The following BTBD10 variants were observed in gnomAD, a reference collection of about 807,000 sequenced individuals.
The protein encoded by BTBD10 is BTB/POZ domain-containing protein 10.
Under a neutral mutation model 53.2 loss-of-function variants are expected in BTBD10, and 21 were observed. The observed-to-expected ratio is 0.39, with a 90% CI of 0.28 to 0.57. BTBD10 has a LOEUF of 0.57. Among genes scored for constraint, BTBD10 ranks in the 20% least tolerant of loss-of-function variants. BTBD10 has a pLI of 0.53. For missense variants in BTBD10, 360 were observed against 594.7 expected, an observed-to-expected ratio of 0.61 and a Z score of 4.10; for synonymous variants, 149 against 192.7, an observed-to-expected ratio of 0.77 and a Z score of 1.88.
chr11:13,421,035 T>A (rs982938970), intron 3 of BTBD10, among the ~76,000 whole-genome samples: 2 of 152,190 alleles, frequency 1.3e-5, no homozygotes, highest in Non-Finnish European at 2.9e-5. Context: ...ATTTGTCCCT[T>A]CTGCAGGGGA....
At chr11:13,426,703 T>C (rs1950345658) in intron 2 of BTBD10, among the ~76,000 whole-genome samples, 1 of 150,152 alleles carries the variant, frequency 6.7e-6, no homozygotes, top group African/African-American at 2.5e-5. Context: ...ACCACTAATA[T>C]AAGAAAACAA....
chr11:13,424,784 C>T (rs913289285), intron 2 of BTBD10, among the ~76,000 whole-genome samples: 3 of 152,084 alleles, frequency 2.0e-5, no homozygotes, highest in Non-Finnish European at 2.9e-5. Flanking sequence ...CTGCAAGACA[C>T]GGCACATCAG....
intron 7 of BTBD10, chr11:13,404,681 T>G: frequency 7.3e-6 from 6 of 824,968 alleles, no homozygotes; most frequent in African/African-American, 1.8e-5. Context: ...CAGAAATGTC[T>G]ATTACTACAA....
chr11:13,438,443 G>C (rs992539265), intron 2 of BTBD10, among the ~76,000 whole-genome samples: 1 of 151,852 alleles, frequency 6.6e-6, no homozygotes, highest in Non-Finnish European at 1.5e-5. Context: ...TCTTTTCTCT[G>C]ATCAGTTATC....
intron 1 of BTBD10, among the ~76,000 whole-genome samples, chr11:13,452,807 C>A (rs1018672792): frequency 6.6e-6 from 1 of 152,146 alleles, no homozygotes; most frequent in Non-Finnish European, 1.5e-5. Context: ...ATTATTTAAT[C>A]TATTATTATT....
At chr11:13,397,365 T>C (rs1219443680) in intron 8 of BTBD10, among the ~76,000 whole-genome samples, 1 of 152,260 alleles carries the variant, frequency 6.6e-6, no homozygotes, top group Non-Finnish European at 1.5e-5. Flanking sequence ...GTAGTTTGTA[T>C]TTCTGTGGGA....
intron 2 of BTBD10, among the ~76,000 whole-genome samples, chr11:13,422,310 A>G (rs1161166026): frequency 2.6e-5 from 4 of 152,188 alleles, no homozygotes; most frequent in Non-Finnish European, 5.9e-5. Context: ...CTTTCAGTTG[A>G]GCCTTTTCAA....
chr11:13,457,240 A>G (rs1332950666), intron 1 of BTBD10, among the ~76,000 whole-genome samples: 1 of 152,166 alleles, frequency 6.6e-6, no homozygotes, highest in Non-Finnish European at 1.5e-5. Flanking sequence ...GGAATTCTGT[A>G]ATATCCAACA....
At chr11:13,397,265 C>A (rs1415712831) in intron 8 of BTBD10, among the ~76,000 whole-genome samples, 3 of 152,118 alleles carry the variant, frequency 2.0e-5, no homozygotes, top group Non-Finnish European at 4.4e-5. Context: ...CTGGTTTAGT[C>A]TTGGGAGAGT....
chr11:13,389,965 C>T (rs1326758827), intron 8 of BTBD10, among the ~76,000 whole-genome samples: 1 of 152,046 alleles, frequency 6.6e-6, no homozygotes, highest in Non-Finnish European at 1.5e-5. Flanking sequence ...ATTACTACTC[C>T]CAACAACCAA....
intron 8 of BTBD10, among the ~76,000 whole-genome samples, chr11:13,391,611 T>C (rs1055979971): frequency 6.6e-6 from 1 of 152,238 alleles, no homozygotes; most frequent in African/African-American, 2.4e-5. Flanking sequence ...GTGAATGAAC[T>C]ACCAGGATAT....
chr11:13,448,388 A>G (rs1950788644), intron 1 of BTBD10, among the ~76,000 whole-genome samples: 1 of 152,150 alleles, frequency 6.6e-6, no homozygotes, highest in Non-Finnish European at 1.5e-5. Context: ...ATGAGGACCA[A>G]ACCCTTGCAA....
At chr11:13,428,483 A>C (rs1950388117) in intron 2 of BTBD10, among the ~76,000 whole-genome samples, 2 of 152,098 alleles carry the variant, frequency 1.3e-5, no homozygotes, top group Admixed American at 1.3e-4. Flanking sequence ...ATTCCCAAAC[A>C]CTTGGAAATG....
chr11:13,444,230 T>A (rs1164929531), intron 2 of BTBD10, among the ~76,000 whole-genome samples: 1 of 152,088 alleles, frequency 6.6e-6, no homozygotes, highest in African/African-American at 2.4e-5. Context: ...ATTATGGCTT[T>A]TTTTTTTCAA....
At chr11:13,447,263 G>A (rs1471372805) in intron 1 of BTBD10, among the ~76,000 whole-genome samples, 1 of 152,066 alleles carries the variant, frequency 6.6e-6, no homozygotes, top group African/African-American at 2.4e-5. Context: ...ATGGCACCCA[G>A]CCGTTTCTTT....
At chr11:13,400,788 G>A (rs1443551151) in intron 8 of BTBD10, among the ~76,000 whole-genome samples, 5 of 152,298 alleles carry the variant, frequency 3.3e-5, no homozygotes, top group African/African-American at 1.2e-4. Flanking sequence ...ACAGAAGAGA[G>A]GGACTAAACT....
At chr11:13,417,091 G>C (rs1207348830) in intron 5 of BTBD10, 67 bp downstream of exon 5, 2 of 1,105,358 alleles carry the variant, frequency 1.8e-6, no homozygotes, top group African/African-American at 3.1e-5. Context: ...ATAGAATTCT[G>C]CGTCTAATCC....
At chr11:13,444,166 T>C (rs556210346) in intron 2 of BTBD10, among the ~76,000 whole-genome samples, 4 of 151,784 alleles carry the variant, frequency 2.6e-5, no homozygotes, top group Admixed American at 2.6e-4. Context: ...CTATAGTATA[T>C]AAAGTACCTG....
chr11:13,459,282 T>C (rs1051362900), intron 1 of BTBD10, among the ~76,000 whole-genome samples: 1 of 151,838 alleles, frequency 6.6e-6, no homozygotes, highest in African/African-American at 2.4e-5. Flanking sequence ...ATGGTCTCGA[T>C]CTCCTGACCT....
Sources: allele counts gnomAD v4.1 joint callset (sites outside exome capture counted in the v4.1 genomes callset), GRCh38; gene constraint gnomAD v4.1.1; transcripts MANE v1.5; gene names NCBI Gene and HGNC (gene_info 2026-07-23, HGNC 2026-07-21).